SEZ6L: variants seen among roughly 807,000 people sequenced by gnomAD.
SEZ6L encodes seizure related 6 homolog like.
In SEZ6L, 37 loss-of-function variants were observed where a neutral mutation model predicts 106.2. The ratio of observed to expected loss-of-function variants is 0.35; its 90% CI spans 0.27 to 0.46. The LOEUF (loss-of-function observed/expected upper bound fraction) is 0.46, where lower values mean the gene tolerates loss of function less well. Among genes scored for constraint, SEZ6L ranks in the 20% least tolerant of loss-of-function variants. The pLI is 1.00. For missense variants in SEZ6L, 1,172 were observed against 1,332.8 expected, an observed-to-expected ratio of 0.88 and a Z score of 1.88; for synonymous variants, 541 against 570.4, an observed-to-expected ratio of 0.95 and a Z score of 0.73.
intron 1 of SEZ6L, among the ~76,000 whole-genome samples, chr22:26,205,354 G>A (rs1941220813): frequency 1.3e-5 from 2 of 152,174 alleles, no homozygotes; most frequent in South Asian, 4.1e-4. Context: ...GTTGTTACTA[G>A]TTCTGAATTC....
In SEZ6L at chr22:26,316,921, G is replaced by A. The variant is rs1042050349; in HGVS notation, c.2015+3019G>A. On this transcript the variant is annotated intron_variant, in intron 9 of 16. Coordinates refer to ENST00000248933, the MANE Select transcript of SEZ6L (RefSeq NM_021115.5). ...AAGAAAGAAGAAAGAAAGAAAGAAA[G>A]AAAAAGAAAGAAAGAAAAGAAAGAA... Among the ~76,000 whole-genome samples, 36 of 147,460 alleles carry A rather than the reference G, an allele frequency of 2.4e-4. No individual in the cohort carries two copies. The East Asian group carries it at 7.6e-3, about 31-fold the overall frequency.
chr22:26,311,697 T>C, intron 7 of SEZ6L, 71 bp from the exon 8 acceptor site: 3 of 1,322,400 alleles, frequency 2.3e-6, no homozygotes, highest in Non-Finnish European at 3.2e-6. Context: ...AGGGGACCCA[T>C]CTTCTGAAAT....
In SEZ6L at chr22:26,193,759, C is replaced by T. The variant is rs1054332655; in HGVS notation, c.94+23996C>T. ...CCCATGGCATTCAATTCTGCTCAATCGTCTGTTGCTATTGGACCAAATTCT... is the reference window on the plus strand; with the variant it reads ...CCCATGGCATTCAATTCTGCTCAATTGTCTGTTGCTATTGGACCAAATTCT... On this transcript the variant is annotated intron_variant, in intron 1 of 16. Coordinates refer to ENST00000248933, the MANE Select transcript of SEZ6L (RefSeq NM_021115.5). 3.9e-5 allele frequency among the ~76,000 whole-genome samples: 6 copies of T among 152,268 alleles called. No individual in the cohort carries two copies. In the East Asian group the frequency reaches 9.6e-4, roughly 24 times the overall value.
At chr22:26,246,954 G>T (rs2079373587) in intron 1 of SEZ6L, among the ~76,000 whole-genome samples, 1 of 152,150 alleles carries the variant, frequency 6.6e-6, no homozygotes, top group Non-Finnish European at 1.5e-5. Flanking sequence ...TTCTTGAGAG[G>T]TCATTCTCAC....
chr22:26,209,844 G>A (rs990963850), intron 1 of SEZ6L, among the ~76,000 whole-genome samples: 12 of 60,676 alleles, frequency 2.0e-4, no homozygotes, highest in Non-Finnish European at 2.8e-4. Flanking sequence ...TAGGAGGAAG[G>A]AAGGAATGAA....
chr22:26,169,897 G>A, intron 1 of SEZ6L, 134 bp downstream of exon 1: 1 of 408,776 alleles, frequency 2.4e-6, no homozygotes, highest in Non-Finnish European at 4.2e-6. Context: ...GTCCAAAATC[G>A]GGGCTAGGAA....
At chr22:26,292,022 A>G (rs1006149882) in intron 1 of SEZ6L, among the ~76,000 whole-genome samples, 10 of 122,492 alleles carry the variant, frequency 8.2e-5, no homozygotes, top group Non-Finnish European at 1.4e-4. Flanking sequence ...GAAGGAAGGA[A>G]GGAAGGAAGG....
intron 10 of SEZ6L, among the ~76,000 whole-genome samples, chr22:26,342,991 G>A (rs977600430): frequency 2.6e-5 from 4 of 152,138 alleles, no homozygotes; most frequent in East Asian, 1.9e-4. Flanking sequence ...AGGCTAACAC[G>A]AGTATTGATC....
intron 1 of SEZ6L, among the ~76,000 whole-genome samples, chr22:26,175,786 A>G (rs997972132): frequency 6.6e-6 from 1 of 152,152 alleles, no homozygotes; most frequent in Non-Finnish European, 1.5e-5. Context: ...TAAATTCAGG[A>G]CCTAACCTAA....
intron 1 of SEZ6L, among the ~76,000 whole-genome samples, chr22:26,231,014 T>G (rs1056726378): frequency 6.6e-6 from 1 of 152,176 alleles, no homozygotes; most frequent in African/African-American, 2.4e-5. Flanking sequence ...GGAGGGTTCT[T>G]GGCTTTGCCT....
rs981744879 is a variant in SEZ6L, at chr22:26,169,678, G to C, written c.9G>C (p.Ala3=). ...CGCCCCCTGCAGCCACGATGCCCGC[G>C]GCCCGGCCGCCCGCCGCGGGACTCC... is the stretch of plus-strand genomic sequence containing the variant. The part of the protein sequence containing the change: MP[A]ARPPAAGLRG... Residue 3 remains alanine (A), a synonymous_variant, in exon 1 of 17, where the codon GCG becomes GCC. Transcript: ENST00000248933. 5 of 1,312,854 alleles carry C rather than the reference G, an allele frequency of 3.8e-6. No individual in the cohort carries two copies. The highest frequency in any genetic ancestry group is 3.1e-5 in the African/African-American group (2 of 65,106). The allele number at this position is 1,312,854 out of a possible 1,614,324, so 81.3% of individuals were successfully genotyped here.
Position 26,355,153 on chromosome 22 carries a change from C to T in SEZ6L, c.2599+3910C>T, listed in dbSNP as rs769378063. Among the ~76,000 whole-genome samples the T allele has an allele frequency of 7.9e-5, 12 of 152,238 alleles. 1 individual carries two copies. The highest frequency in any genetic ancestry group is 1.2e-4 in the Non-Finnish European group (8 of 68,040). ...CCATTTGATGGGCCCCTTCAGTAGG[C>T]TGACCTTTTCCCCAACACTAACACT... On this transcript the variant is annotated intron_variant, in intron 12 of 16. Transcript: ENST00000248933.
intron 1 of SEZ6L, among the ~76,000 whole-genome samples, chr22:26,222,220 C>A (rs977741100): frequency 6.6e-6 from 1 of 152,196 alleles, no homozygotes; most frequent in Non-Finnish European, 1.5e-5. Flanking sequence ...GCTCAGGGAA[C>A]TGCTGCCATG....
chr22:26,320,583 G>A (rs1429883417), intron 9 of SEZ6L, among the ~76,000 whole-genome samples: 1 of 152,244 alleles, frequency 6.6e-6, no homozygotes, highest in African/African-American at 2.4e-5. Context: ...CAGGCATTGA[G>A]GCTGGGCCCT....
At chr22:26,304,431 A>AG (rs4049332) in intron 5 of SEZ6L, among the ~76,000 whole-genome samples, 10 of 149,476 alleles carry the variant, frequency 6.7e-5, no homozygotes, top group African/African-American at 1.0e-4. Flanking sequence ...AAAGAAAGAA[A>AG]AAGAAAGGAA....
chr22:26,312,965 C>T (rs2081886542), intron 8 of SEZ6L, among the ~76,000 whole-genome samples: 1 of 152,214 alleles, frequency 6.6e-6, no homozygotes, highest in African/African-American at 2.4e-5. Flanking sequence ...TGGCAGCCAC[C>T]GCCTCAATGG....
chr22:26,325,193 G>A lies in SEZ6L; in HGVS notation c.2015+11291G>A, dbSNP rs536824524. Among the ~76,000 whole-genome samples the A allele has an allele frequency of 1.4e-4, 22 of 152,330 alleles. No homozygotes were observed. The South Asian group carries it at 2.9e-3, about 20-fold the overall frequency. ...ACACTAGGAAGTGGCACAGCCGCAC[G>A]TCTGCCATATCCTATGGCAAGCTAC... On this transcript the variant is annotated intron_variant, in intron 9 of 16. Transcript: ENST00000248933.
intron 1 of SEZ6L, among the ~76,000 whole-genome samples, chr22:26,207,786 C>T (rs1346159964): frequency 3.3e-5 from 5 of 152,140 alleles, no homozygotes; most frequent in African/African-American, 7.2e-5. Context: ...AGAAACCTTG[C>T]AATTATTGAC....
At chr22:26,378,216 G>A (rs907441292) in intron 16 of SEZ6L, among the ~76,000 whole-genome samples, 1 of 152,148 alleles carries the variant, frequency 6.6e-6, no homozygotes, top group Non-Finnish European at 1.5e-5. Context: ...CACCATTAAT[G>A]AGCCTACCGT....
Sources: allele counts gnomAD v4.1 joint callset (sites outside exome capture counted in the v4.1 genomes callset), GRCh38; gene constraint gnomAD v4.1.1; transcripts MANE v1.5; gene names NCBI Gene and HGNC (gene_info 2026-07-23, HGNC 2026-07-21).